The following KCNMA1 variants were observed in gnomAD, a reference collection of about 807,000 sequenced individuals.
The protein encoded by KCNMA1 is Calcium-activated potassium channel subunit alpha-1.
Under a neutral mutation model 140.0 loss-of-function variants are expected in KCNMA1, and 29 were observed. The ratio of observed to expected loss-of-function variants is 0.21; its 90% confidence interval spans 0.15 to 0.28. KCNMA1 has a LOEUF of 0.28. Among genes scored for constraint, KCNMA1 ranks in the 10% least tolerant of loss-of-function variants. The pLI, the probability that KCNMA1 is intolerant of heterozygous loss-of-function variation, is 1.00. For missense variants in KCNMA1, 880 were observed against 1,602.2 expected (o/e 0.55, Z 7.70); for synonymous variants, 612 against 611.9 (o/e 1.00, Z 0.00).
intron 14 of KCNMA1, among the ~76,000 whole-genome samples, chr10:77,061,879 T>G (rs576568049): frequency 6.6e-5 from 10 of 152,202 alleles, no homozygotes; most frequent in Non-Finnish European, 1.5e-4. Context: ...AAGGGAACTA[T>G]GCTAAATGAA....
At chr10:77,225,629 C>G (rs1480440155) in intron 3 of KCNMA1, among the ~76,000 whole-genome samples, 1 of 152,182 alleles carries the variant, frequency 6.6e-6, no homozygotes, top group Non-Finnish European at 1.5e-5. Flanking sequence ...ATGGGAAACT[C>G]CTGCGGCTGT....
At chr10:76,936,021 C>T (rs529524664) in intron 23 of KCNMA1, among the ~76,000 whole-genome samples, 1 of 152,152 alleles carries the variant, frequency 6.6e-6, no homozygotes, top group African/African-American at 2.4e-5. Context: ...GAATACATTA[C>T]TAGAATAGTA....
Position 77,383,392 on chromosome 10 carries a change from G to A in KCNMA1, c.540+20470C>T, listed in dbSNP as rs191064134. Reference sequence around the variant, plus strand: ...GACTGCTGAAGAAGAGGCCTGGAGAGATGGTTGCTTAACCTCGAGATTTTT... The same window carrying A: ...GACTGCTGAAGAAGAGGCCTGGAGAAATGGTTGCTTAACCTCGAGATTTTT... On this transcript the variant is annotated intron_variant, in intron 2 of 27. Transcript: ENST00000286628. Among the ~76,000 whole-genome samples, 312 of 146,724 alleles carry A rather than the reference G, an allele frequency of 2.1e-3. 1 individual carries two copies. Among genetic ancestry groups the A allele is most frequent in the African/African-American group, 7.4e-3 (291 of 39,392 alleles).
exon 28 of KCNMA1, chr10:76,870,841 A>T (rs1009211127): frequency 2.6e-5 from 4 of 152,398 alleles, no homozygotes; most frequent in African/African-American, 9.6e-5. Flanking sequence ...AATATGGACA[A>T]ATAAGCAGAG....
In KCNMA1 at chr10:77,001,479, C is replaced by T. The variant is rs1050216029; in HGVS notation, c.2194G>A (p.Val732Met). Reference protein sequence around the residue: ...SCMSGRVRGNVDTLERAFPLS... With the variant: ...SCMSGRVRGNMDTLERAFPLS... ...GGGAAGGCTCTCTCAAGGGTGTCCA[C>T]GTTACCACGCACACGGCCTGACATG... The change falls in exon 19 of 28, where the codon GTG becomes ATG. Residue 732 changes from valine to methionine, a missense_variant. Transcript: ENST00000286628. 1.9e-5 allele frequency: 29 copies of T among 1,551,840 alleles called. No individual in the cohort carries two copies. Among genetic ancestry groups the T allele is most frequent in the East Asian group, 2.4e-5 (1 of 40,930 alleles).
chr10:77,128,953 T>C (rs1308041902), intron 5 of KCNMA1, among the ~76,000 whole-genome samples: 1 of 152,172 alleles, frequency 6.6e-6, no homozygotes, highest in Non-Finnish European at 1.5e-5. Context: ...GACCACACTT[T>C]GGGAAAACAA....
intron 1 of KCNMA1, among the ~76,000 whole-genome samples, chr10:77,536,405 A>T (rs554772722): frequency 6.6e-6 from 1 of 152,268 alleles, no homozygotes; most frequent in South Asian, 2.1e-4. Context: ...CTTTCTTCCC[A>T]GTGTTGGGAG....
chr10:77,505,742 G>A (rs2045587242), intron 1 of KCNMA1, among the ~76,000 whole-genome samples: 1 of 152,204 alleles, frequency 6.6e-6, no homozygotes, highest in Non-Finnish European at 1.5e-5. Context: ...AAGAAGAGAA[G>A]TTTGGACTTT....
At chr10:77,444,024 C>T (rs893116309) in intron 1 of KCNMA1, among the ~76,000 whole-genome samples, 10 of 152,074 alleles carry the variant, frequency 6.6e-5, no homozygotes, top group African/African-American at 2.4e-4. Context: ...TACATATGTA[C>T]ATTTATTATT....
downstream of KCNMA1, chr10:76,877,591 CAAAG>C (rs2032627446): frequency 5.9e-6 from 4 of 677,582 alleles, no homozygotes; most frequent in African/African-American, 3.6e-5. Flanking sequence ...TCAAGGCAGA[CAAAG>C]AGAAAGATCT....
chr10:77,383,022 ATATATATT>A lies in KCNMA1; in HGVS notation c.540+20832_540+20839del, dbSNP rs1358389927. 4.8e-3 allele frequency among the ~76,000 whole-genome samples: 612 copies of A among 128,818 alleles called. 1 individual carries two copies. The highest frequency in any genetic ancestry group is 7.9e-3 in the Middle Eastern group (2 of 252). The allele number at this position is 128,818 out of a possible 152,430, so 84.5% of individuals were successfully genotyped here. On this transcript the variant is annotated intron_variant, in intron 2 of 27. Coordinates refer to ENST00000286628, the MANE Select transcript of KCNMA1 (RefSeq NM_001161352.2). ...TATATATATATATATATATATATATATATATATTCCAAGTGGAGGAAAGAAGTTTTCAG... is the reference window on the plus strand; with the variant it reads ...TATATATATATATATATATATATATACCAAGTGGAGGAAAGAAGTTTTCAG...
intron 25 of KCNMA1, among the ~76,000 whole-genome samples, chr10:76,906,627 G>C (rs746443060): frequency 5.3e-5 from 8 of 152,204 alleles, no homozygotes; most frequent in Non-Finnish European, 1.0e-4. Context: ...GAAGAGATTT[G>C]TGTGTGGATG....
intron 1 of KCNMA1, among the ~76,000 whole-genome samples, chr10:77,622,951 A>G (rs998832299): frequency 3.3e-5 from 5 of 152,244 alleles, no homozygotes; most frequent in South Asian, 4.1e-4. Context: ...CTTGCTTTAC[A>G]TTCATTTTCT....
Position 77,223,083 on chromosome 10 carries a change from A to G in KCNMA1, c.602+28112T>C, listed in dbSNP as rs993793214. Among the ~76,000 whole-genome samples, 18 of 151,660 alleles carry G rather than the reference A, an allele frequency of 1.2e-4. No individual in the cohort carries two copies. In the South Asian group the frequency reaches 3.1e-3, roughly 26 times the overall value. ...TCTCTACTAAAAATACAAAAACTTA[A>G]CCGGGCATGGTGGCAGGCACCTGTA... On this transcript the variant is annotated intron_variant, in intron 3 of 27. Coordinates refer to ENST00000286628, the MANE Select transcript of KCNMA1 (RefSeq NM_001161352.2).
chr10:77,173,347 C>G (rs1008168816), intron 5 of KCNMA1, among the ~76,000 whole-genome samples: 4 of 152,128 alleles, frequency 2.6e-5, no homozygotes, highest in African/African-American at 9.7e-5. Flanking sequence ...AAGCTGAGCT[C>G]TACCATTTAC....
chr10:77,613,787 A>C (rs143616342), intron 1 of KCNMA1, among the ~76,000 whole-genome samples: 224 of 152,352 alleles, frequency 1.5e-3, no homozygotes, highest in African/African-American at 5.3e-3. Context: ...GGCCTGACAG[A>C]GGCCCCTTCA....
intron 2 of KCNMA1, among the ~76,000 whole-genome samples, chr10:77,300,312 A>G (rs1463134597): frequency 6.6e-6 from 1 of 152,216 alleles, no homozygotes; most frequent in Non-Finnish European, 1.5e-5. Flanking sequence ...TTCCAGTCCC[A>G]TCACTGACCA....
intron 2 of KCNMA1, among the ~76,000 whole-genome samples, chr10:77,319,851 C>T (rs1277416691): frequency 1.3e-5 from 2 of 152,230 alleles, no homozygotes; most frequent in African/African-American, 4.8e-5. Context: ...CTCCTACTGG[C>T]CTCCTACCTT....
intron 19 of KCNMA1, among the ~76,000 whole-genome samples, chr10:76,996,863 G>A (rs1452420630): frequency 6.6e-6 from 1 of 152,144 alleles, no homozygotes; most frequent in African/African-American, 2.4e-5. Context: ...ATTTGAGGAA[G>A]TCACCTAAAA....
Sources: allele counts gnomAD v4.1 joint callset (sites outside exome capture counted in the v4.1 genomes callset), GRCh38; gene constraint gnomAD v4.1.1; transcripts MANE v1.5; gene names NCBI Gene and HGNC (gene_info 2026-07-23, HGNC 2026-07-21).